ACYP2: variants seen among roughly 807,000 people sequenced by gnomAD.
ACYP2 encodes acylphosphatase-2.
Under a neutral mutation model 11.2 loss-of-function variants are expected in ACYP2, and 12 were observed. That is an observed-to-expected ratio of 1.08 (90% CI 0.69 to 1.74). The LOEUF is 1.74. Among genes scored for constraint, ACYP2 ranks in the 40% most tolerant of loss-of-function variants. The pLI is 0.00. For missense variants in ACYP2, 134 were observed against 101.9 expected, an observed-to-expected ratio of 1.31 and a Z score of -1.35; for synonymous variants, 43 against 32.2, an observed-to-expected ratio of 1.33 and a Z score of -1.13.
chr2:54,029,302 A>T (rs1297288836), intron 2 of ACYP2, among the ~76,000 whole-genome samples: 1 of 152,166 alleles, frequency 6.6e-6, no homozygotes, highest in Admixed American at 6.5e-5. Context: ...TCAAGGGTAC[A>T]TACTACCAGC....
rs140982496 is a variant in ACYP2, at chr2:54,030,618, C to T, written c.63-20340C>T. ...ATACATGGCCAAAGGAACAACTCCA[C>T]GTTTTCTAAACGGCCTAGAGAATAT... On this transcript the variant is annotated intron_variant, in intron 2 of 6. Transcript: ENST00000607452. 224 of 169,882 alleles carry T rather than the reference C, an allele frequency of 1.3e-3. No individual in the cohort carries two copies. The East Asian group carries it at 0.016, about 12-fold the overall frequency. 10.5% of individuals were successfully genotyped at this position (169,882 alleles called of 1,614,324 possible).
At chr2:54,239,214 T>C (rs1686627291) in intron 6 of ACYP2, among the ~76,000 whole-genome samples, 1 of 152,190 alleles carries the variant, frequency 6.6e-6, no homozygotes, top group Admixed American at 6.5e-5. Flanking sequence ...CCAGATTGCC[T>C]GAAGTCAGCA....
At chr2:54,137,153 C>A (rs1681295254) in intron 5 of ACYP2, among the ~76,000 whole-genome samples, 1 of 151,864 alleles carries the variant, frequency 6.6e-6, no homozygotes, top group Non-Finnish European at 1.5e-5. Flanking sequence ...TACCCATAGA[C>A]AATTATAACA....
chr2:54,218,475 T>C (rs1685650981), intron 6 of ACYP2, among the ~76,000 whole-genome samples: 1 of 152,268 alleles, frequency 6.6e-6, no homozygotes. Flanking sequence ...TTTTGTATCT[T>C]CTGTGTTACA....
At chr2:54,045,106 A>G (rs918023695) in intron 2 of ACYP2, among the ~76,000 whole-genome samples, 1 of 152,232 alleles carries the variant, frequency 6.6e-6, no homozygotes, top group African/African-American at 2.4e-5. Flanking sequence ...CAGGTCCTGC[A>G]TACCAATGAA....
chr2:54,051,117 C>A, intron 3 of ACYP2: 1 of 648,612 alleles, frequency 1.5e-6, no homozygotes, highest in Non-Finnish European at 2.7e-6. Context: ...ACAGCCATTG[C>A]AGTACACTGA....
chr2:54,280,071 T>C (rs920941216), intron 6 of ACYP2, among the ~76,000 whole-genome samples: 6 of 152,126 alleles, frequency 3.9e-5, no homozygotes, highest in Admixed American at 2.0e-4. Flanking sequence ...ATAGGAGATA[T>C]CCAGAACCAA....
At chr2:54,294,303 G>A (rs1174591578) in intron 6 of ACYP2, among the ~76,000 whole-genome samples, 1 of 152,170 alleles carries the variant, frequency 6.6e-6, no homozygotes, top group African/African-American at 2.4e-5. Context: ...TGAAAAGACA[G>A]TCCTATGTTG....
chr2:54,115,439 C>G (rs1302715274), intron 4 of ACYP2, 176 bp from the exon 1 acceptor site: 1 of 825,232 alleles, frequency 1.2e-6, no homozygotes. Flanking sequence ...ACAGCATCCT[C>G]CCCAGTCCGG....
chr2:54,211,917 TCTCTC>T (rs773802685), intron 6 of ACYP2, among the ~76,000 whole-genome samples: 246 of 152,300 alleles, frequency 1.6e-3, no homozygotes, highest in Non-Finnish European at 2.7e-3. Flanking sequence ...TCTCTCTCTC[TCTCTC>T]TTTTTTTCTG....
chr2:54,248,974 A>G (rs1261354679), intron 6 of ACYP2, among the ~76,000 whole-genome samples: 1 of 152,162 alleles, frequency 6.6e-6, no homozygotes, highest in African/African-American at 2.4e-5. Flanking sequence ...GCAAAGGCAC[A>G]GAATCGGGAC....
chr2:54,082,291 G>C lies in ACYP2; in HGVS notation c.277+24931G>C, dbSNP rs369554278. On this transcript the variant is annotated intron_variant, in intron 4 of 6. Coordinates refer to ENST00000607452, the MANE Select transcript of ACYP2 (RefSeq NM_001320586.2). ...GATGAAGTCTCACTCTATCGCCCAGGCTGGAGTGCAGTGGTGTGGTCTCGG... is the reference window on the plus strand; with the variant it reads ...GATGAAGTCTCACTCTATCGCCCAGCCTGGAGTGCAGTGGTGTGGTCTCGG... Among the ~76,000 whole-genome samples, 17 of 151,544 alleles carry C rather than the reference G, an allele frequency of 1.1e-4. No individual in the cohort carries two copies. The South Asian group carries it at 2.1e-3, about 19-fold the overall frequency.
chr2:54,108,802 T>C (rs990175391), intron 4 of ACYP2, among the ~76,000 whole-genome samples: 1 of 152,194 alleles, frequency 6.6e-6, no homozygotes, highest in African/African-American at 2.4e-5. Flanking sequence ...CTTTACCTTT[T>C]TCTCACTCAA....
chr2:54,057,698 T>C (rs1021148011), intron 4 of ACYP2, among the ~76,000 whole-genome samples: 4 of 152,302 alleles, frequency 2.6e-5, no homozygotes, highest in African/African-American at 4.8e-5. Context: ...TGTGTATATA[T>C]ATGTTGTTAG....
At chr2:53,972,856 G>A (rs1490343103) in intron 1 of ACYP2, among the ~76,000 whole-genome samples, 2 of 152,218 alleles carry the variant, frequency 1.3e-5, no homozygotes, top group South Asian at 2.1e-4. Flanking sequence ...AGCAGAAACA[G>A]CTTGGGAGGC....
intron 4 of ACYP2, among the ~76,000 whole-genome samples, chr2:54,077,013 A>G (rs1289143470): frequency 6.6e-6 from 1 of 152,262 alleles, no homozygotes; most frequent in African/African-American, 2.4e-5. Flanking sequence ...AAACACATAC[A>G]CATATAAATC....
chr2:54,085,897 T>G (rs13422635), intron 4 of ACYP2, among the ~76,000 whole-genome samples: 4,240 of 152,292 alleles, frequency 0.028, 185 homozygotes, highest in African/African-American at 0.097. Flanking sequence ...ATAAAGACTA[T>G]GTATAGCCTC....
At chr2:54,090,087 A>G (rs1678146032) in intron 4 of ACYP2, among the ~76,000 whole-genome samples, 4 of 150,384 alleles carry the variant, frequency 2.7e-5, no homozygotes, top group Non-Finnish European at 4.4e-5. Flanking sequence ...GCAGGTTACA[A>G]TGAGCCAAGA....
At chr2:54,260,614 G>T (rs1431606148) in intron 6 of ACYP2, among the ~76,000 whole-genome samples, 2 of 152,152 alleles carry the variant, frequency 1.3e-5, no homozygotes, top group Admixed American at 1.3e-4. Context: ...GAAGATTCAG[G>T]GTACTGAAGG....
Sources: gnomAD v4.1 joint callset for allele counts (sites outside exome capture counted in the v4.1 genomes callset) on GRCh38, gnomAD v4.1.1 for gene constraint, MANE v1.5 for transcripts, NCBI Gene and HGNC (gene_info 2026-07-23, HGNC 2026-07-21) for gene names.